The following ERCC6L2 variants were observed in gnomAD, a reference collection of about 807,000 sequenced individuals.
ERCC6L2 encodes the protein ERCC excision repair 6 like 2.
In ERCC6L2, 77 loss-of-function variants were observed where a neutral mutation model predicts 132.0. The observed-to-expected ratio is 0.58, with a 90% CI of 0.49 to 0.71. ERCC6L2 has a LOEUF of 0.71. Among genes scored for constraint, ERCC6L2 ranks in the 30% least tolerant of loss-of-function variants. ERCC6L2 has a pLI of 0.00. For synonymous variants in ERCC6L2, 583 were observed against 632.4 expected, an observed-to-expected ratio of 0.92 and a Z score of 1.17; for missense variants, 1,542 against 1,837.6, an observed-to-expected ratio of 0.84 and a Z score of 2.94.
intron 17 of ERCC6L2, among the ~76,000 whole-genome samples, chr9:95,978,965 C>T (rs1022524505): frequency 9.9e-5 from 15 of 152,202 alleles, no homozygotes; most frequent in Middle Eastern, 3.4e-3. Context: ...TTAATTTATT[C>T]GTACCTCACT....
At chr9:95,882,858 C>T (rs932303740) in intron 2 of ERCC6L2, among the ~76,000 whole-genome samples, 1 of 152,144 alleles carries the variant, frequency 6.6e-6, no homozygotes, top group Non-Finnish European at 1.5e-5. Context: ...AATGAATTTA[C>T]CTTCTTCGTT....
At chr9:95,907,834 C>CACACACACACACACACAA (rs1694198952) in intron 4 of ERCC6L2, among the ~76,000 whole-genome samples, 2 of 114,414 alleles carry the variant, frequency 1.7e-5, no homozygotes, top group African/African-American at 3.2e-5. Context: ...ACTACACACA[C>CACACACACACACACACAA]ACACACACAC....
chr9:96,026,790 ACC>A (rs79685794), intron 19 of ERCC6L2, among the ~76,000 whole-genome samples: 12 of 105,862 alleles, frequency 1.1e-4, no homozygotes, highest in Admixed American at 1.9e-4. Context: ...CACCACACAC[ACC>A]CCACACACAT....
In ERCC6L2 at chr9:96,026,465, T is replaced by C. The variant is rs1301218828; in HGVS notation, c.*1504-12411T>C. On this transcript the variant is annotated intron_variant and NMD_transcript_variant, in intron 19 of 20. Coordinates refer to the ERCC6L2 transcript ENST00000670016. The stretch of plus-strand genomic sequence containing the variant: ...GGGGGAAGCGCGGGGAAGCGCGGAG[T>C]CTCTGGGTCAGCTGGTCCCCACTGC... Among the ~76,000 whole-genome samples the C allele has an allele frequency of 2.0e-5, 3 of 151,828 alleles. No homozygotes were observed. In the East Asian group the frequency reaches 5.8e-4, roughly 29 times the overall value.
At position 95,903,805 on chromosome 9, in the gene ERCC6L2, A is replaced by G. The variant is rs562788955; in HGVS notation, c.595-3273A>G. 3.9e-5 allele frequency among the ~76,000 whole-genome samples: 6 copies of G among 152,122 alleles called. No individual in the cohort carries two copies. In the South Asian group the frequency reaches 1.2e-3, roughly 32 times the overall value. ...AATGAAAAATAAATTATACCTTTAC[A>G]GAAAAATTACAGAATGTAAAATTGG... On this transcript the variant is annotated intron_variant, in intron 3 of 18. Coordinates refer to ENST00000653738, the MANE Select transcript of ERCC6L2 (RefSeq NM_020207.7).
At chr9:96,007,651 A>G (rs1833904099) in intron 18 of ERCC6L2, among the ~76,000 whole-genome samples, 1 of 152,196 alleles carries the variant, frequency 6.6e-6, no homozygotes, top group Non-Finnish European at 1.5e-5. Flanking sequence ...GGGAAGAGGC[A>G]ATATCAGCAG....
chr9:95,974,014 G>C (rs1832551293), intron 16 of ERCC6L2, among the ~76,000 whole-genome samples: 2 of 152,154 alleles, frequency 1.3e-5, no homozygotes, highest in African/African-American at 4.8e-5. Flanking sequence ...GACTGGATCA[G>C]ACTCAGGTTC....
intron 18 of ERCC6L2, among the ~76,000 whole-genome samples, chr9:96,006,641 C>T (rs1833873871): frequency 6.6e-6 from 1 of 152,136 alleles, no homozygotes; most frequent in Non-Finnish European, 1.5e-5. Context: ...GAGATCATGT[C>T]AGAGAGGTGA....
intron 4 of ERCC6L2, among the ~76,000 whole-genome samples, chr9:95,913,499 T>C (rs1005045440): frequency 3.3e-5 from 5 of 152,314 alleles, no homozygotes; most frequent in African/African-American, 1.2e-4. Context: ...TCTTTCTTTC[T>C]GAATATTGCT....
At chr9:95,905,903 A>G (rs1179899911) in intron 3 of ERCC6L2, among the ~76,000 whole-genome samples, 4 of 152,206 alleles carry the variant, frequency 2.6e-5, no homozygotes, top group South Asian at 4.1e-4. Flanking sequence ...GTTCATCTCT[A>G]TCAAGTAGAT....
intron 12 of ERCC6L2, among the ~76,000 whole-genome samples, chr9:95,948,647 C>T (rs562816574): frequency 6.6e-6 from 1 of 152,122 alleles, no homozygotes; most frequent in South Asian, 2.1e-4. Flanking sequence ...CCTGAGAAGA[C>T]TTTTAGCCTT....
chr9:96,022,728 G>C (rs1242501436), downstream of ERCC6L2, among the ~76,000 whole-genome samples: 2 of 152,190 alleles, frequency 1.3e-5, no homozygotes, highest in Non-Finnish European at 2.9e-5. Context: ...ATGCCTGCGA[G>C]GCCCCCTTGC....
chr9:95,935,732 C>T (rs895177418), intron 11 of ERCC6L2, among the ~76,000 whole-genome samples: 2 of 152,110 alleles, frequency 1.3e-5, no homozygotes, highest in Non-Finnish European at 2.9e-5. Context: ...TGGTGTGATA[C>T]CAGCTGCAGA....
intron 18 of ERCC6L2, among the ~76,000 whole-genome samples, chr9:96,011,531 T>C (rs1163620657): frequency 1.3e-5 from 2 of 152,242 alleles, no homozygotes; most frequent in African/African-American, 4.8e-5. Context: ...TTTCTGCCTC[T>C]ATCTTACCAA....
At chr9:95,948,810 AAAAG>A (rs1271718878) in intron 12 of ERCC6L2, among the ~76,000 whole-genome samples, 2 of 148,940 alleles carry the variant, frequency 1.3e-5, no homozygotes, top group African/African-American at 4.9e-5. Flanking sequence ...AAAAAAAAAG[AAAAG>A]AAAAGAAAGA....
intron 13 of ERCC6L2, among the ~76,000 whole-genome samples, chr9:95,960,121 A>T (rs1831832173): frequency 6.6e-6 from 1 of 152,162 alleles, no homozygotes; most frequent in African/African-American, 2.4e-5. Context: ...GAAACAAAGA[A>T]GCAAGACAGA....
intron 18 of ERCC6L2, among the ~76,000 whole-genome samples, chr9:96,009,168 T>C (rs762876517): frequency 1.7e-4 from 26 of 152,232 alleles, no homozygotes; most frequent in South Asian, 4.1e-4. Context: ...GACACAATGC[T>C]GTACAGCATG....
chr9:96,006,188 C>T (rs1420623058), intron 18 of ERCC6L2, among the ~76,000 whole-genome samples: 1 of 152,148 alleles, frequency 6.6e-6, no homozygotes, highest in East Asian at 1.9e-4. Flanking sequence ...ACTATGTGAG[C>T]AGCCTAGAAA....
chr9:95,939,359 TTTTCGTTA>T (rs1830697310), intron 11 of ERCC6L2, among the ~76,000 whole-genome samples: 2 of 151,980 alleles, frequency 1.3e-5, no homozygotes, highest in Non-Finnish European at 2.9e-5. Flanking sequence ...GTGCTCTTAG[TTTTCGTTA>T]GTCTGAGAAT....
Sources: gnomAD v4.1 joint callset for allele counts (sites outside exome capture counted in the v4.1 genomes callset) on GRCh38, gnomAD v4.1.1 for gene constraint, MANE v1.5 for transcripts, NCBI Gene and HGNC (gene_info 2026-07-23, HGNC 2026-07-21) for gene names.